The following CNTN6 variants were observed in gnomAD, a reference collection of about 807,000 sequenced individuals.
CNTN6 encodes the protein contactin-6.
In CNTN6, 137 loss-of-function variants were observed where a neutral mutation model predicts 122.8. The observed-to-expected ratio is 1.12, with a 90% CI of 0.97 to 1.29. The LOEUF is 1.29. Among genes scored for constraint, CNTN6 ranks in the 50% most tolerant of loss-of-function variants. CNTN6 has a pLI of 0.00. For synonymous variants in CNTN6, 570 were observed against 426.0 expected (o/e 1.34, Z -4.16); for missense variants, 1,634 against 1,223.4 (o/e 1.34, Z -5.01).
Position 1,254,257 on chromosome 3 carries a change from G to C in CNTN6, c.359-24156G>C, listed in dbSNP as rs1340938293. On this transcript the variant is annotated intron_variant, in intron 4 of 22. Transcript: ENST00000446702. ...GTGATAATTTTTTGAAGTATGGCTTGAAATTTTTATTGTCTTTGTTTATAA... is the reference window on the plus strand; with the variant it reads ...GTGATAATTTTTTGAAGTATGGCTTCAAATTTTTATTGTCTTTGTTTATAA... Among the ~76,000 whole-genome samples, 4 of 152,074 alleles carry C rather than the reference G, an allele frequency of 2.6e-5. No individual in the cohort carries two copies. The East Asian group carries it at 7.7e-4, about 29-fold the overall frequency.
intron 20 of CNTN6, among the ~76,000 whole-genome samples, chr3:1,393,780 C>T (rs1442831266): frequency 2.6e-5 from 4 of 152,004 alleles, no homozygotes; most frequent in Non-Finnish European, 5.9e-5. Flanking sequence ...AACTTGAACA[C>T]TGAACTAATC....
At chr3:1,172,991 C>A (rs972342270) in intron 2 of CNTN6, among the ~76,000 whole-genome samples, 1 of 152,084 alleles carries the variant, frequency 6.6e-6, no homozygotes, top group Non-Finnish European at 1.5e-5. Context: ...GTGGAGGGTT[C>A]AGGTCAAGGT....
intron 1 of CNTN6, among the ~76,000 whole-genome samples, chr3:1,106,521 T>TACAC (rs57012485): frequency 1.6e-4 from 24 of 149,094 alleles, no homozygotes; most frequent in African/African-American, 2.7e-4. Context: ...CTGTCTGTAA[T>TACAC]ACACACACAC....
At chr3:1,217,403 C>T (rs994036236) in intron 2 of CNTN6, among the ~76,000 whole-genome samples, 1 of 152,282 alleles carries the variant, frequency 6.6e-6, no homozygotes, top group African/African-American at 2.4e-5. Flanking sequence ...TGATGTTGTG[C>T]ATTGCACTGG....
chr3:1,384,460 CTA>C (rs1406598735), intron 19 of CNTN6, among the ~76,000 whole-genome samples: 6 of 142,004 alleles, frequency 4.2e-5, no homozygotes, highest in Admixed American at 4.1e-4. Context: ...CTTGAATCTG[CTA>C]TTTTTAGTCT....
intron 7 of CNTN6, among the ~76,000 whole-genome samples, chr3:1,318,166 T>C (rs1001222863): frequency 2.0e-5 from 3 of 151,698 alleles, no homozygotes; most frequent in Non-Finnish European, 2.9e-5. Flanking sequence ...GGAGTTTCTT[T>C]CTTAGTGAGA....
chr3:1,373,586 T>C lies in CNTN6; in HGVS notation c.1787-18T>C. The C allele has an allele frequency of 6.2e-7, 1 of 1,608,968 alleles. No homozygotes were observed. Among genetic ancestry groups the C allele is most frequent in the Non-Finnish European group, 8.5e-7 (1 of 1,177,756 alleles). On this transcript the variant is annotated intron_variant, in intron 14 of 22. Transcript: ENST00000446702. ...GTAAGTATCTCCAATGGAGTCATGA[T>C]AAAACATTTTTTTCAAGGTCCACCA...
At chr3:1,326,034 C>T in intron 9 of CNTN6, 83 bp downstream of exon 9, 1 of 1,208,096 alleles carries the variant, frequency 8.3e-7, no homozygotes, top group Non-Finnish European at 1.2e-6. Flanking sequence ...CTAACAGAAA[C>T]AGCTAATGTT....
At chr3:1,202,332 A>C (rs962883155) in intron 2 of CNTN6, among the ~76,000 whole-genome samples, 4 of 152,108 alleles carry the variant, frequency 2.6e-5, no homozygotes, top group Non-Finnish European at 5.9e-5. Context: ...CGAGCTCAGG[A>C]TATCAAGACC....
intron 7 of CNTN6, among the ~76,000 whole-genome samples, chr3:1,317,347 G>A (rs565883238): frequency 1.3e-5 from 2 of 151,828 alleles, no homozygotes; most frequent in African/African-American, 2.4e-5. Context: ...AACCTAGCTA[G>A]CATTTGAACT....
chr3:1,206,499 TATC>T (rs1022330045), intron 2 of CNTN6, among the ~76,000 whole-genome samples: 1 of 152,152 alleles, frequency 6.6e-6, no homozygotes, highest in African/African-American at 2.4e-5. Context: ...CCCTCTCCTG[TATC>T]ATCATGTTCT....
intron 2 of CNTN6, among the ~76,000 whole-genome samples, chr3:1,190,586 G>A (rs1175165550): frequency 6.6e-6 from 1 of 152,128 alleles, no homozygotes; most frequent in Non-Finnish European, 1.5e-5. Flanking sequence ...GCCTTGCAGA[G>A]GAGAGTTTAA....
At chr3:1,288,982 C>A (rs903367199) in intron 5 of CNTN6, among the ~76,000 whole-genome samples, 3 of 152,122 alleles carry the variant, frequency 2.0e-5, no homozygotes, top group Non-Finnish European at 2.9e-5. Flanking sequence ...CAGGAAGGAC[C>A]AATTATCATT....
intron 2 of CNTN6, among the ~76,000 whole-genome samples, chr3:1,183,747 C>CA (rs996207867): frequency 2.3e-4 from 35 of 150,354 alleles, no homozygotes; most frequent in South Asian, 4.2e-4. Flanking sequence ...ATAGTGGCTT[C>CA]AAAAAAAAAC....
Position 1,402,492 on chromosome 3 carries a change from T to C in CNTN6, c.2986+6T>C, listed in dbSNP as rs1328671081. On this transcript the variant is annotated splice_donor_region_variant and intron_variant, in intron 22 of 22. Coordinates refer to ENST00000446702, the MANE Select transcript of CNTN6 (RefSeq NM_001289080.2). ...TAGGATTCCAAAAATGTCAAGTAAG[T>C]TGAGTCACCATTGCTGTAGTAGATT... 1.2e-6 allele frequency: 2 copies of C among 1,603,916 alleles called. No homozygotes were observed. The highest frequency in any genetic ancestry group is 1.7e-6 in the Non-Finnish European group (2 of 1,172,890).
intron 5 of CNTN6, among the ~76,000 whole-genome samples, chr3:1,294,505 C>T (rs1055617727): frequency 1.1e-4 from 17 of 152,086 alleles, no homozygotes; most frequent in African/African-American, 3.9e-4. Context: ...AGGATGGTTA[C>T]AGGGGGTATA....
At chr3:1,130,187 T>A (rs2092299044) in intron 1 of CNTN6, among the ~76,000 whole-genome samples, 1 of 152,054 alleles carries the variant, frequency 6.6e-6, no homozygotes, top group Non-Finnish European at 1.5e-5. Flanking sequence ...GACATTGACT[T>A]TATTTCAAGG....
chr3:1,331,780 G>A (rs1021023790), intron 11 of CNTN6, among the ~76,000 whole-genome samples: 2 of 151,550 alleles, frequency 1.3e-5, no homozygotes, highest in East Asian at 3.9e-4. Context: ...CGAAGTATGT[G>A]GGAACAAGAA....
At chr3:1,126,741 C>G (rs922151591) in intron 1 of CNTN6, among the ~76,000 whole-genome samples, 19 of 151,848 alleles carry the variant, frequency 1.3e-4, no homozygotes, top group African/African-American at 4.6e-4. Context: ...ATGTCTTGAG[C>G]CAAGCCTGAA....
Sources: gnomAD v4.1 joint callset for allele counts (sites outside exome capture counted in the v4.1 genomes callset) on GRCh38, gnomAD v4.1.1 for gene constraint, MANE v1.5 for transcripts, NCBI Gene and HGNC (gene_info 2026-07-23, HGNC 2026-07-21) for gene names.